DPP6: variants seen among roughly 807,000 people sequenced by gnomAD.
DPP6 encodes dipeptidyl peptidase like 6.
In DPP6, 69 loss-of-function variants were observed where a neutral mutation model predicts 122.6. The observed-to-expected ratio is 0.56, with a 90% CI of 0.46 to 0.69. The LOEUF (loss-of-function observed/expected upper bound fraction) is 0.69. Among genes scored for constraint, DPP6 ranks in the 30% least tolerant of loss-of-function variants. DPP6 has a pLI of 0.00. For synonymous variants in DPP6, 418 were observed against 433.1 expected, an observed-to-expected ratio of 0.97 and a Z score of 0.43; for missense variants, 928 against 1,116.9, an observed-to-expected ratio of 0.83 and a Z score of 2.41.
At chr7:154,300,678 G>T (rs1333091672) in intron 1 of DPP6, among the ~76,000 whole-genome samples, 4 of 152,114 alleles carry the variant, frequency 2.6e-5, no homozygotes, top group Non-Finnish European at 5.9e-5. Context: ...TGGGGTTGGG[G>T]CAAGGGCTTG....
chr7:154,332,310 G>T (rs1267405545), intron 1 of DPP6, among the ~76,000 whole-genome samples: 1 of 152,196 alleles, frequency 6.6e-6, no homozygotes, highest in Non-Finnish European at 1.5e-5. Context: ...GGCCTCAGGT[G>T]ATCCACCCGC....
intron 1 of DPP6, among the ~76,000 whole-genome samples, chr7:154,169,633 T>C (rs899159155): frequency 6.6e-6 from 1 of 152,240 alleles, no homozygotes. Context: ...GCTTCATTAA[T>C]GTAAGCTAAT....
chr7:154,194,763 CT>C (rs1455359005), intron 1 of DPP6, among the ~76,000 whole-genome samples: 1 of 152,214 alleles, frequency 6.6e-6, no homozygotes, highest in African/African-American at 2.4e-5. Context: ...TTATTCGTCT[CT>C]CCTCTGTCTT....
chr7:154,224,032 C>T (rs1280278190), intron 1 of DPP6, among the ~76,000 whole-genome samples: 1 of 146,586 alleles, frequency 6.8e-6, no homozygotes, highest in Non-Finnish European at 1.5e-5. Context: ...ACACTGTGGC[C>T]CAGGAGGAGA....
At chr7:154,369,520 C>G (rs1434110325) in intron 1 of DPP6, among the ~76,000 whole-genome samples, 1 of 152,196 alleles carries the variant, frequency 6.6e-6, no homozygotes, top group Admixed American at 6.5e-5. Flanking sequence ...AGGCACCCAC[C>G]ACCACGCCCG....
chr7:154,680,688 T>A (rs7798326), intron 7 of DPP6, among the ~76,000 whole-genome samples: 38 of 5,918 alleles, frequency 6.4e-3, no homozygotes, highest in South Asian at 0.062. Flanking sequence ...ATATATATAT[T>A]TTTTTTAAAA....
intron 1 of DPP6, among the ~76,000 whole-genome samples, chr7:154,369,282 A>G (rs1812444590): frequency 1.3e-5 from 2 of 150,282 alleles, no homozygotes; most frequent in South Asian, 4.2e-4. Flanking sequence ...TTTAGTAGAG[A>G]TGAGGTTTCA....
intron 1 of DPP6, among the ~76,000 whole-genome samples, chr7:154,064,017 AAGGGTCCAGG>A (rs1357709654): frequency 6.6e-6 from 1 of 152,024 alleles, no homozygotes; most frequent in Admixed American, 6.6e-5. Flanking sequence ...TTGAGAAGAA[AAGGGTCCAGG>A]AGTTATTGCA....
At chr7:153,866,798 C>G in the DPP6 span, among the ~76,000 whole-genome samples, 3 of 152,144 alleles carry the variant, frequency 2.0e-5, no homozygotes, top group Non-Finnish European at 2.9e-5. Context: ...ACATGTAAGT[C>G]TTTAATCCAT....
At chr7:154,891,533 C>A (rs1380269132) in intron 25 of DPP6, among the ~76,000 whole-genome samples, 1 of 152,192 alleles carries the variant, frequency 6.6e-6, no homozygotes, top group Non-Finnish European at 1.5e-5. Flanking sequence ...CAGGGAGTAG[C>A]CAGGACGCAA....
rs181843935 is a variant in DPP6 at position 154,833,802 on chromosome 7, A to C, written c.1667-19978A>C. 2.0e-3 allele frequency among the ~76,000 whole-genome samples: 304 copies of C among 152,308 alleles called. No individual in the cohort carries two copies. The highest frequency in any genetic ancestry group is 7.1e-3 in the African/African-American group (297 of 41,556). ...AAATGACCAAAGATTCTCATAGACA[A>C]AGGAAATTTAAGGACAAAGGAAAAT... On this transcript the variant is annotated intron_variant, in intron 16 of 25. Coordinates refer to ENST00000377770, the MANE Select transcript of DPP6 (RefSeq NM_130797.4). This position sits in a 1 kb window ranked among gnomAD's most constrained non-coding sequence, Gnocchi z 4.3.
At chr7:154,420,076 C>G (rs375126096) in intron 1 of DPP6, among the ~76,000 whole-genome samples, 1 of 152,308 alleles carries the variant, frequency 6.6e-6, no homozygotes, top group East Asian at 1.9e-4. Flanking sequence ...GTGGCTTTTG[C>G]CTGTAATCCC....
intron 1 of DPP6, among the ~76,000 whole-genome samples, chr7:153,931,331 A>G (rs56960776): frequency 0.22 from 32,527 of 150,326 alleles, 3,641 homozygotes; most frequent in Middle Eastern, 0.31. Flanking sequence ...TTTTAAGAAG[A>G]AAAAAAAAAG....
intron 1 of DPP6, among the ~76,000 whole-genome samples, chr7:154,120,804 A>T (rs1487686624): frequency 6.6e-6 from 1 of 152,222 alleles, no homozygotes; most frequent in African/African-American, 2.4e-5. Context: ...CAGTTGATGA[A>T]GTCTAGTCCA....
At chr7:154,584,595 C>T (rs1240559045) in intron 5 of DPP6, among the ~76,000 whole-genome samples, 1 of 152,210 alleles carries the variant, frequency 6.6e-6, no homozygotes, top group East Asian at 1.9e-4. Context: ...GGAGTGTTTG[C>T]CACGTCGCTC....
intron 1 of DPP6, among the ~76,000 whole-genome samples, chr7:154,217,703 C>T (rs531803541): frequency 3.2e-4 from 49 of 152,326 alleles, no homozygotes; most frequent in African/African-American, 1.1e-3. Flanking sequence ...AAACCTTCCA[C>T]GAGGCTGTGG....
In DPP6 at chr7:154,348,030, G is replaced by A. The variant is rs1301245566; in HGVS notation, c.244-98184G>A. Among the ~76,000 whole-genome samples, 3 of 152,140 alleles carry A rather than the reference G, an allele frequency of 2.0e-5. No individual in the cohort carries two copies. In the South Asian group the frequency reaches 6.2e-4, roughly 32 times the overall value. ...CAGTGTTGCCTTTTGACGGTTTGAG[G>A]AACTATGCTGTAAGTACAGCCAAAG... On this transcript the variant is annotated intron_variant, in intron 1 of 25. Transcript: ENST00000377770.
chr7:153,954,952 G>A (rs977656847), intron 1 of DPP6, among the ~76,000 whole-genome samples: 1 of 152,190 alleles, frequency 6.6e-6, no homozygotes, highest in African/African-American at 2.4e-5. Flanking sequence ...TTACTATCGG[G>A]AAGGTAAGAA....
At chr7:153,786,511 G>T in the DPP6 span, among the ~76,000 whole-genome samples, 1 of 151,374 alleles carries the variant, frequency 6.6e-6, no homozygotes, top group South Asian at 2.1e-4. Context: ...AGGCCGAGGC[G>T]GGCGGATCAC....
Sources: allele counts gnomAD v4.1 joint callset (sites outside exome capture counted in the v4.1 genomes callset), GRCh38; gene constraint gnomAD v4.1.1; non-coding constraint Gnocchi (gnomAD v3.1); transcripts MANE v1.5; gene names NCBI Gene and HGNC (gene_info 2026-07-23, HGNC 2026-07-21).